Variants in PIK3C2A observed in about 807,000 individuals in gnomAD.
The protein encoded by PIK3C2A is phosphatidylinositol 4-phosphate 3-kinase C2 domain-containing subunit alpha.
In PIK3C2A, 97 loss-of-function variants were observed where a neutral mutation model predicts 204.5. That is an observed-to-expected ratio of 0.47 (90% CI 0.40 to 0.56). The LOEUF is 0.56. Among genes scored for constraint, PIK3C2A ranks in the 20% least tolerant of loss-of-function variants. The pLI, the probability that PIK3C2A is intolerant of heterozygous loss-of-function variation, is 0.00. For missense variants in PIK3C2A, 1,735 were observed against 1,969.2 expected (o/e 0.88, Z 2.25); for synonymous variants, 653 against 664.4 (o/e 0.98, Z 0.26).
chr11:17,161,860 G>C (rs907609081), intron 2 of PIK3C2A, among the ~76,000 whole-genome samples: 2 of 152,150 alleles, frequency 1.3e-5, no homozygotes, highest in African/African-American at 4.8e-5. Flanking sequence ...GAGATGAATG[G>C]TGTGTGAAAA....
chr11:17,138,281 G>T, intron 8 of PIK3C2A: 1 of 708,762 alleles, frequency 1.4e-6, no homozygotes, highest in Non-Finnish European at 2.5e-6. Context: ...GAAAGCCTAT[G>T]AGGATATGCC....
At chr11:17,190,117 G>A (rs1332481423) in intron 1 of PIK3C2A, among the ~76,000 whole-genome samples, 1 of 151,986 alleles carries the variant, frequency 6.6e-6, no homozygotes, top group African/African-American at 2.4e-5. Context: ...ACAAAAATTA[G>A]CTGGGCATAG....
rs1328005196 is a variant in PIK3C2A, at chr11:17,114,394, C to T, written c.3288G>A (p.Lys1096=). Residue 1096 remains lysine (K), a synonymous_variant, in exon 20 of 33, where the codon AAG becomes AAA. Transcript: ENST00000691414. ...FQKNKCRLPL[K]PSLVAKELNI... ...TTAATTCTTTTGCCACTAGACTTGG[C>T]TTGAGAGGGAGACGGCATTTATTTT... is the stretch of plus-strand genomic sequence containing the variant. The T allele has an allele frequency of 5.7e-6, 9 of 1,582,990 alleles. No individual in the cohort carries two copies. Among genetic ancestry groups the T allele is most frequent in the Non-Finnish European group, 6.9e-6 (8 of 1,151,966 alleles).
intron 1 of PIK3C2A, among the ~76,000 whole-genome samples, chr11:17,175,987 T>C (rs948860692): frequency 1.4e-5 from 2 of 142,210 alleles, no homozygotes; most frequent in Non-Finnish European, 3.0e-5. Flanking sequence ...TAAATTAGGG[T>C]ACTTCCATGG....
chr11:17,133,709 C>T (rs1232713165), intron 11 of PIK3C2A, among the ~76,000 whole-genome samples: 3 of 152,112 alleles, frequency 2.0e-5, no homozygotes, highest in Non-Finnish European at 4.4e-5. Context: ...GGGCAGATCA[C>T]TTGAGGTCAG....
At chr11:17,182,165 T>G (rs1229238407) in intron 1 of PIK3C2A, among the ~76,000 whole-genome samples, 1 of 152,102 alleles carries the variant, frequency 6.6e-6, no homozygotes, top group Admixed American at 6.6e-5. Flanking sequence ...GTGGGGACTT[T>G]GGGGTACTAG....
At chr11:17,100,249 C>CGGGG (rs71047528) in intron 25 of PIK3C2A, among the ~76,000 whole-genome samples, 6 of 46,486 alleles carry the variant, frequency 1.3e-4, no homozygotes, top group African/African-American at 2.8e-4. Context: ...TTTTTGGGGG[C>CGGGG]GGGGGGGGGG....
At chr11:17,153,531 A>G (rs1048137281) in intron 3 of PIK3C2A, among the ~76,000 whole-genome samples, 1 of 152,180 alleles carries the variant, frequency 6.6e-6, no homozygotes, top group Admixed American at 6.5e-5. Context: ...GAAATAGGAC[A>G]AAAAACTCAG....
At position 17,150,549 on chromosome 11, in the gene PIK3C2A, C is replaced by A; in HGVS notation, c.1276G>T (p.Val426Phe). Residue 426 changes from valine (V) to phenylalanine (F), a missense_variant, in exon 4 of 33, where the codon GTC becomes TTC. Coordinates refer to ENST00000691414, the MANE Select transcript of PIK3C2A (RefSeq NM_002645.4). ...NICGENASVKVSIDIEGFQLP... is the reference protein window; with the variant it reads ...NICGENASVKFSIDIEGFQLP... Reference sequence around the variant, plus strand: ...TGAAATCCTTCAATGTCAATGGAGACCTTCACACTAGCATTTTCTCCGCAT... The same window carrying A: ...TGAAATCCTTCAATGTCAATGGAGAACTTCACACTAGCATTTTCTCCGCAT... The A allele has an allele frequency of 1.2e-6, 2 of 1,610,908 alleles. No individual in the cohort carries two copies. Among genetic ancestry groups the A allele is most frequent in the South Asian group, 1.1e-5 (1 of 90,810 alleles).
intron 23 of PIK3C2A, 103 bp downstream of exon 23, chr11:17,105,066 C>T: frequency 1.2e-6 from 1 of 831,960 alleles, no homozygotes; most frequent in Non-Finnish European, 2.0e-6. Context: ...CTGACTTAGA[C>T]TAAATGACTA....
chr11:17,118,738 G>A lies in PIK3C2A; in HGVS notation c.2942C>T (p.Ala981Val), dbSNP rs369031488. ...ATTCAAGTAAATTTCATATTTCAAA[G>A]CCTACAGTAAAAGAAAATAAGAATT... ...LTDLLPQFVQ[A>V]LKYEIYLNSS... The change falls in exon 18 of 33, where the codon GCT (alanine) becomes GTT (valine). Residue 981 changes from alanine (A) to valine (V), a missense_variant and splice_region_variant. Physicochemically the swap from Ala to Val is moderately conservative, Grantham distance 64 (BLOSUM62 0). This residue lies in a region of PIK3C2A where 567 missense variants were observed against 576.0 expected (regional missense o/e 0.98). Transcript: ENST00000691414. The A allele has an allele frequency of 5.1e-5, 74 of 1,462,432 alleles. No individual in the cohort carries two copies. Among genetic ancestry groups the A allele is most frequent in the Non-Finnish European group, 6.9e-5 (72 of 1,048,108 alleles). The allele number at this position is 1,462,432 out of a possible 1,614,324, so 90.6% of individuals were successfully genotyped here.
At chr11:17,199,785 C>T (rs1184225492) in intron 1 of PIK3C2A, among the ~76,000 whole-genome samples, 2 of 151,186 alleles carry the variant, frequency 1.3e-5, no homozygotes, top group East Asian at 1.9e-4. Flanking sequence ...ATTAGCTGGG[C>T]GTGGTGGTAC....
chr11:17,132,735 C>A (rs1849740077), intron 11 of PIK3C2A, among the ~76,000 whole-genome samples: 1 of 152,212 alleles, frequency 6.6e-6, no homozygotes, highest in African/African-American at 2.4e-5. Context: ...ACAAACATTA[C>A]CTTCCCTAGG....
intron 13 of PIK3C2A, among the ~76,000 whole-genome samples, chr11:17,124,457 C>CTTT (rs397849773): frequency 1.0e-3 from 143 of 138,362 alleles, no homozygotes; most frequent in African/African-American, 3.6e-3. Context: ...ATTTGGATGT[C>CTTT]TTTTTTTTTT....
chr11:17,117,868 C>T (rs1207517327), intron 18 of PIK3C2A, among the ~76,000 whole-genome samples, 197 bp from the exon 19 acceptor site: 1 of 151,694 alleles, frequency 6.6e-6, no homozygotes, highest in Non-Finnish European at 1.5e-5. Context: ...CGCCCGCCAC[C>T]ACACCCGGCT....
intron 1 of PIK3C2A, among the ~76,000 whole-genome samples, chr11:17,205,912 G>A (rs1852556371): frequency 6.6e-6 from 1 of 152,332 alleles, no homozygotes; most frequent in South Asian, 2.1e-4. Flanking sequence ...CTTGAGGTCA[G>A]GAGTTCGAGA....
At chr11:17,136,974 T>A (rs559979869) in intron 8 of PIK3C2A, among the ~76,000 whole-genome samples, 1 of 152,306 alleles carries the variant, frequency 6.6e-6, no homozygotes, top group Non-Finnish European at 1.5e-5. Context: ...AAAATAACCC[T>A]TCTCTTCCTC....
rs1379784067 is a variant in PIK3C2A, at chr11:17,087,611, G to A, written c.*2127C>T. The A allele has an allele frequency of 2.6e-5, 4 of 152,126 alleles. No homozygotes were observed. The highest frequency in any genetic ancestry group is 2.1e-4 in the South Asian group (1 of 4,830). The allele number at this position is 152,126 out of a possible 1,614,324, so 9.4% of individuals were successfully genotyped here. A position where few individuals can be genotyped will look rare whatever the true frequency, so the allele number is the denominator to read the frequency against. ...GCAGTACATGTTGAGTCTAATTAAC[G>A]ACCTCTACCAAGACAGTTTTTGTTT... On this transcript the variant is annotated 3_prime_UTR_variant, in exon 33 of 33. Transcript: ENST00000691414.
intron 21 of PIK3C2A, 86 bp downstream of exon 21, chr11:17,112,488 C>T: frequency 3.2e-6 from 2 of 620,946 alleles, no homozygotes; most frequent in Middle Eastern, 4.3e-4. Context: ...AAATATTAAA[C>T]AAAATCACCT....
Sources: allele counts gnomAD v4.1 joint callset (sites outside exome capture counted in the v4.1 genomes callset), GRCh38; gene constraint gnomAD v4.1.1; regional missense constraint gnomAD v4.1.1; transcripts MANE v1.5; gene names NCBI Gene and HGNC (gene_info 2026-07-23, HGNC 2026-07-21).